The following ROR2 variants were observed in gnomAD, a reference collection of about 807,000 sequenced individuals.
The protein encoded by ROR2 is ROR family WNT receptor 2.
Under a neutral mutation model 74.9 loss-of-function variants are expected in ROR2, and 33 were observed. The ratio of observed to expected loss-of-function variants is 0.44; its 90% confidence interval spans 0.33 to 0.59. The LOEUF is 0.59. Among genes scored for constraint, ROR2 ranks in the 20% least tolerant of loss-of-function variants. The probability of loss-of-function intolerance (pLI) is 0.02; values close to 1 mark genes in which losing one functional copy is unlikely to be tolerated. For missense variants in ROR2, 1,216 were observed against 1,313.8 expected (o/e 0.93, Z 1.15); for synonymous variants, 586 against 558.7 (o/e 1.05, Z -0.69).
At position 91,909,847 on chromosome 9, in the gene ROR2, G is replaced by GTTTTTTTTTTTTTT. The variant is rs71362365; in HGVS notation, c.97+40006_97+40019dup. ...TCTTTTTTTTTTTTAGGTTTGTTTT[G>GTTTTTTTTTTTTTT]TTTTTTTTTTTTTTTTTTTTTTTTA... On this transcript the variant is annotated intron_variant, in intron 1 of 8. Transcript: ENST00000375708. Among the ~76,000 whole-genome samples the GTTTTTTTTTTTTTT allele has an allele frequency of 1.2e-3, 65 of 53,612 alleles. 1 individual carries two copies. The highest frequency in any genetic ancestry group is 2.7e-3 in the East Asian group (4 of 1,496). The allele number at this position is 53,612 out of a possible 152,430, so 35.2% of individuals were successfully genotyped here.
chr9:91,733,197 C>T lies in ROR2; in HGVS notation c.862G>A (p.Ala288Thr). The T allele has an allele frequency of 6.2e-7, 1 of 1,611,192 alleles. No homozygotes were observed. Among genetic ancestry groups the T allele is most frequent in the Non-Finnish European group, 8.5e-7 (1 of 1,179,332 alleles). Residue 288 changes from alanine to threonine, a missense_variant, in exon 6 of 9, where the codon GCG (alanine) becomes ACG (threonine). Coordinates refer to ENST00000375708, the MANE Select transcript of ROR2 (RefSeq NM_004560.4). The surrounding 1 kb of genome is among the most constrained non-coding windows in gnomAD (Gnocchi z 5.7). ...LMRLQLPKCE[A>T]LPMPESPDAA... Reference sequence around the variant, plus strand: ...TCGGGGCTCTCAGGCATGGGCAGCGCCTCACACTTGGGCAGCTGAAGCCGC... The same window carrying T: ...TCGGGGCTCTCAGGCATGGGCAGCGTCTCACACTTGGGCAGCTGAAGCCGC...
At chr9:91,826,071 C>A (rs562800144) in intron 1 of ROR2, among the ~76,000 whole-genome samples, 6 of 152,186 alleles carry the variant, frequency 3.9e-5, no homozygotes. Context: ...TTGTACGTAT[C>A]CTGTGGTTTT....
At chr9:91,909,831 T>TAGG (rs1564032163) in intron 1 of ROR2, among the ~76,000 whole-genome samples, 52 of 144,562 alleles carry the variant, frequency 3.6e-4, no homozygotes, top group Middle Eastern at 3.5e-3. Flanking sequence ...TTCTTTTTTT[T>TAGG]TTTTAGGTTT....
At chr9:91,808,724 C>T (rs1044454454) in intron 1 of ROR2, among the ~76,000 whole-genome samples, 9 of 151,112 alleles carry the variant, frequency 6.0e-5, no homozygotes, top group African/African-American at 1.2e-4. Flanking sequence ...TTTCGGAGGC[C>T]GAGGAGGGCG....
intron 1 of ROR2, among the ~76,000 whole-genome samples, chr9:91,845,489 C>A (rs183758316): frequency 6.6e-6 from 1 of 152,258 alleles, no homozygotes; most frequent in African/African-American, 2.4e-5. Flanking sequence ...CCAGTCAGCA[C>A]CTTTCAGAAG....
chr9:91,911,677 G>C (rs572035980), intron 1 of ROR2, among the ~76,000 whole-genome samples: 1 of 152,048 alleles, frequency 6.6e-6, no homozygotes, highest in Non-Finnish European at 1.5e-5. Flanking sequence ...AACTACAGAT[G>C]GAGGCTAGAA....
chr9:91,935,905 C>T (rs1831670414), intron 1 of ROR2, among the ~76,000 whole-genome samples: 1 of 152,214 alleles, frequency 6.6e-6, no homozygotes, highest in Admixed American at 6.5e-5. Context: ...CAGAGGTGCC[C>T]CATATGCCCA....
intron 1 of ROR2, among the ~76,000 whole-genome samples, chr9:91,787,915 A>G (rs1826853271): frequency 1.3e-5 from 2 of 152,254 alleles, no homozygotes; most frequent in Admixed American, 1.3e-4. Context: ...CCAGCCATAC[A>G]ACAAAGACTT....
chr9:91,809,599 G>A (rs768687975), intron 1 of ROR2, among the ~76,000 whole-genome samples: 1 of 152,236 alleles, frequency 6.6e-6, no homozygotes, highest in Non-Finnish European at 1.5e-5. Context: ...CAGGTCCAGG[G>A]CCAAAGCCAA....
intron 1 of ROR2, among the ~76,000 whole-genome samples, chr9:91,848,577 A>G (rs556347625): frequency 4.6e-4 from 70 of 152,168 alleles, no homozygotes; most frequent in Non-Finnish European, 7.6e-4. Flanking sequence ...CCTGGCCAAC[A>G]TGGCGAAACA....
rs1314543830 is a variant in ROR2, at chr9:91,950,204, C to T, written c.-241G>A. 1.1e-5 allele frequency: 3 copies of T among 262,174 alleles called. No homozygotes were observed. The highest frequency in any genetic ancestry group is 1.1e-4 in the Admixed American group (2 of 18,062). The allele number at this position is 262,174 out of a possible 1,614,324, so 16.2% of individuals were successfully genotyped here. A position where few individuals can be genotyped will look rare whatever the true frequency, so the allele number is the denominator to read the frequency against. On this transcript the variant is annotated 5_prime_UTR_variant, in exon 1 of 9. Coordinates refer to ENST00000375708, the MANE Select transcript of ROR2 (RefSeq NM_004560.4). ...GCGGGCTGGGGCGTCCCGCCGGCCGCCAGGACGAGCGCGGGGGGCGGACCG... is the reference window on the plus strand; with the variant it reads ...GCGGGCTGGGGCGTCCCGCCGGCCGTCAGGACGAGCGCGGGGGGCGGACCG...
intron 1 of ROR2, among the ~76,000 whole-genome samples, chr9:91,853,204 A>G (rs1829167591): frequency 6.6e-6 from 1 of 152,140 alleles, no homozygotes; most frequent in African/African-American, 2.4e-5. Flanking sequence ...CCAAAACAGC[A>G]GGGCTCCTCC....
At chr9:91,937,021 C>A (rs1831714922) in intron 1 of ROR2, among the ~76,000 whole-genome samples, 1 of 55,974 alleles carries the variant, frequency 1.8e-5, no homozygotes, top group Admixed American at 2.4e-4. Context: ...CAGAGCGAGA[C>A]TCCGTCTCAA....
At chr9:91,920,486 A>G (rs866771236) in intron 1 of ROR2, among the ~76,000 whole-genome samples, 3 of 152,232 alleles carry the variant, frequency 2.0e-5, no homozygotes, top group African/African-American at 7.2e-5. Flanking sequence ...AGCCTGGGTA[A>G]CAGAACCAGA....
intron 1 of ROR2, among the ~76,000 whole-genome samples, chr9:91,792,340 C>T (rs1402336001): frequency 6.9e-6 from 1 of 144,884 alleles, no homozygotes; most frequent in Non-Finnish European, 1.5e-5. Flanking sequence ...CGGAGTCTCG[C>T]TCTGTCGCCC....
intron 1 of ROR2, among the ~76,000 whole-genome samples, chr9:91,831,400 G>A (rs919044234): frequency 2.8e-4 from 43 of 152,280 alleles, no homozygotes; most frequent in African/African-American, 8.9e-4. Context: ...GACCAGCCGC[G>A]TTTGGTGGAA....
At chr9:91,752,572 G>A (rs1326693220) in intron 4 of ROR2, among the ~76,000 whole-genome samples, 3 of 152,222 alleles carry the variant, frequency 2.0e-5, no homozygotes, top group Non-Finnish European at 2.9e-5. Context: ...GGTGCCTGGG[G>A]TAGAAGGGAG....
rs116566694 is a variant in ROR2, at chr9:91,869,059, T to A, written c.97+80808A>T. ...CACAAAAACCTACACGTGAATATATTTTTTTTTTCCTTTTTAGAGACAGAG... is the reference window on the plus strand; with the variant it reads ...CACAAAAACCTACACGTGAATATATATTTTTTTTCCTTTTTAGAGACAGAG... On this transcript the variant is annotated intron_variant, in intron 1 of 8. Coordinates refer to ENST00000375708, the MANE Select transcript of ROR2 (RefSeq NM_004560.4). Among the ~76,000 whole-genome samples, 922 of 151,610 alleles carry A rather than the reference T, an allele frequency of 6.1e-3. 4 individuals carry two copies. Among genetic ancestry groups the A allele is most frequent in the African/African-American group, 0.017 (711 of 41,356 alleles).
intron 1 of ROR2, among the ~76,000 whole-genome samples, chr9:91,883,554 T>C (rs1433239806): frequency 1.3e-5 from 2 of 152,236 alleles, no homozygotes; most frequent in African/African-American, 4.8e-5. Flanking sequence ...ATATTTCCAG[T>C]GCTCAATAGG....
Sources: gnomAD v4.1 joint callset for allele counts (sites outside exome capture counted in the v4.1 genomes callset) on GRCh38, gnomAD v4.1.1 for gene constraint, Gnocchi (gnomAD v3.1) non-coding constraint, MANE v1.5 for transcripts, NCBI Gene and HGNC (gene_info 2026-07-23, HGNC 2026-07-21) for gene names.